Variants in AMZ1 observed in about 807,000 individuals in gnomAD.
AMZ1 encodes archaemetzincin-1.
In AMZ1, 39 loss-of-function variants were observed where a neutral mutation model predicts 29.9. The ratio of observed to expected loss-of-function variants is 1.30; its 90% confidence interval spans 1.01 to 1.70. AMZ1 has a LOEUF of 1.70. AMZ1 is among the 40% of genes most tolerant of loss of function. The pLI is 0.00. For synonymous variants in AMZ1, 458 were observed against 304.0 expected, an observed-to-expected ratio of 1.51 and a Z score of -5.27; for missense variants, 1,041 against 680.6, an observed-to-expected ratio of 1.53 and a Z score of -5.89.
At chr7:2,744,769 G>GA (rs562531755) in intron 4 of AMZ1, among the ~76,000 whole-genome samples, 7 of 151,702 alleles carry the variant, frequency 4.6e-5, no homozygotes, top group African/African-American at 9.7e-5. Context: ...TAAAAACTTT[G>GA]AAAAAAAATT....
At chr7:2,720,498 G>A (rs1789373928), downstream of AMZ1, among the ~76,000 whole-genome samples, 1 of 151,918 alleles carries the variant, frequency 6.6e-6, no homozygotes, top group African/African-American at 2.4e-5. Context: ...CCGCCTTCTG[G>A]GTTCAAACGA....
chr7:2,689,744 A>C (rs964815122), intron 1 of AMZ1, among the ~76,000 whole-genome samples: 1 of 152,232 alleles, frequency 6.6e-6, no homozygotes, highest in Non-Finnish European at 1.5e-5. Flanking sequence ...GACTGCAGTT[A>C]GCAGAGGAGG....
chr7:2,720,489 C>T (rs1394526696), downstream of AMZ1, among the ~76,000 whole-genome samples: 5 of 152,120 alleles, frequency 3.3e-5, no homozygotes, highest in East Asian at 1.9e-4. Context: ...CTGCAACCTC[C>T]GCCTTCTGGG....
rs143424713 is a variant in AMZ1, at chr7:2,744,898, G to C, written n.551-19814G>C. 7.2e-3 allele frequency among the ~76,000 whole-genome samples: 1,090 copies of C among 152,286 alleles called. 9 individuals carry two copies. Among genetic ancestry groups the C allele is most frequent in the African/African-American group, 0.019 (792 of 41,578 alleles). The stretch of plus-strand genomic sequence containing the variant: ...CAGAAGCCTCAGGAGCCGATGCGAT[G>C]AACTGGAAGAAAGGGTATAAGTGAT... On this transcript the variant is annotated intron_variant and non_coding_transcript_variant, in intron 4 of 4. Transcript: ENST00000489665.
chr7:2,693,514 G>A (rs1173391597), intron 1 of AMZ1, among the ~76,000 whole-genome samples: 1 of 152,078 alleles, frequency 6.6e-6, no homozygotes, highest in Non-Finnish European at 1.5e-5. Flanking sequence ...CGAGTAACTA[G>A]GACCACAGAT....
chr7:2,759,842 G>A (rs1040501288), upstream of AMZ1, among the ~76,000 whole-genome samples: 4 of 152,034 alleles, frequency 2.6e-5, no homozygotes, highest in South Asian at 2.1e-4. Context: ...TGCAGATGCC[G>A]TCCAATGCGA....
chr7:2,699,501 G>A (rs1042896172), intron 1 of AMZ1, among the ~76,000 whole-genome samples: 8 of 152,126 alleles, frequency 5.3e-5, no homozygotes, highest in South Asian at 4.2e-4. Context: ...TCCTGGGGAC[G>A]TCTGCGTGCT....
At chr7:2,696,470 G>A (rs1356075203) in intron 1 of AMZ1, among the ~76,000 whole-genome samples, 2 of 150,648 alleles carry the variant, frequency 1.3e-5, no homozygotes, top group Non-Finnish European at 3.0e-5. Context: ...TGTTAGCCAG[G>A]ATGGTCTCGA....
intron 4 of AMZ1, among the ~76,000 whole-genome samples, chr7:2,750,899 G>A (rs1482750881): frequency 1.3e-5 from 2 of 152,200 alleles, no homozygotes; most frequent in East Asian, 3.8e-4. Flanking sequence ...GGTGCGAATG[G>A]AAAGGTGGAC....
At chr7:2,721,369 G>A (rs538475881), downstream of AMZ1, among the ~76,000 whole-genome samples, 1 of 152,302 alleles carries the variant, frequency 6.6e-6, no homozygotes, top group South Asian at 2.1e-4. Flanking sequence ...CACTCTGGAA[G>A]CCCGTGGATG....
At chr7:2,739,074 T>G (rs191961945) in intron 4 of AMZ1, among the ~76,000 whole-genome samples, 1 of 152,346 alleles carries the variant, frequency 6.6e-6, no homozygotes, top group East Asian at 1.9e-4. Flanking sequence ...CCGCAGGGTG[T>G]GTCCTCGGCG....
intron 4 of AMZ1, among the ~76,000 whole-genome samples, chr7:2,746,300 G>C (rs533047213): frequency 6.6e-5 from 10 of 152,162 alleles, no homozygotes; most frequent in Admixed American, 6.5e-4. Context: ...AAATGTAAAA[G>C]AACAGAAATT....
At chr7:2,701,605 C>T (rs1788058195) in intron 2 of AMZ1, among the ~76,000 whole-genome samples, 1 of 152,208 alleles carries the variant, frequency 6.6e-6, no homozygotes, top group Admixed American at 6.5e-5. Flanking sequence ...AGCTCTGTGC[C>T]TCTCACATGC....
chr7:2,750,107 A>T (rs1214890060), intron 4 of AMZ1, among the ~76,000 whole-genome samples: 2 of 152,172 alleles, frequency 1.3e-5, no homozygotes, highest in Non-Finnish European at 2.9e-5. Flanking sequence ...TATACCACAC[A>T]CTTCTGAATA....
At position 2,716,912 on chromosome 7, in the gene AMZ1, G is replaced by A. The variant is rs74506684; in HGVS notation, c.*4034G>A. Among the ~76,000 whole-genome samples the A allele has an allele frequency of 9.1e-3, 1,392 of 152,340 alleles. 24 individuals carry two copies. The highest frequency in any genetic ancestry group is 0.031 in the African/African-American group (1,295 of 41,588). On this transcript the variant is annotated 3_prime_UTR_variant, in exon 7 of 7. Coordinates refer to ENST00000683327, the MANE Select transcript of AMZ1 (RefSeq NM_001384743.1). ...GCTGGAGCCTCAGAAACGGCAGAGC[G>A]GAAGTTGAGGCGCAGTCTGTTCTTG...
chr7:2,689,398 CCA>C (rs1180926686), intron 1 of AMZ1, among the ~76,000 whole-genome samples: 1 of 151,126 alleles, frequency 6.6e-6, no homozygotes, highest in Admixed American at 6.6e-5. Context: ...GTGCTCTTTT[CCA>C]GTCTTTGGAC....
At chr7:2,753,830 T>G (rs536431971) in intron 4 of AMZ1, among the ~76,000 whole-genome samples, 1 of 152,204 alleles carries the variant, frequency 6.6e-6, no homozygotes, top group Non-Finnish European at 1.5e-5. Flanking sequence ...TGGGATATCT[T>G]TTTCTTCTGG....
At chr7:2,733,558 C>T in intron 4 of AMZ1, 1 of 1,374,672 alleles carries the variant, frequency 7.3e-7, no homozygotes, top group East Asian at 2.3e-5. Flanking sequence ...CCTGATGTGG[C>T]AAATACAAGA....
At chr7:2,711,349 G>A (rs565033490) in intron 6 of AMZ1, among the ~76,000 whole-genome samples, 1 of 152,324 alleles carries the variant, frequency 6.6e-6, no homozygotes, top group South Asian at 2.1e-4. Flanking sequence ...AATGCCTCTT[G>A]AAGAAAGCCT....
Sources: gnomAD v4.1 joint callset for allele counts (sites outside exome capture counted in the v4.1 genomes callset) on GRCh38, gnomAD v4.1.1 for gene constraint, MANE v1.5 for transcripts, NCBI Gene and HGNC (gene_info 2026-07-23, HGNC 2026-07-21) for gene names.